Variants in CLEC16A observed in about 807,000 individuals in gnomAD.
CLEC16A encodes C-type lectin domain containing 16A, also known as protein CLEC16A.
CLEC16A carries 51 observed loss-of-function variants against 109.5 expected under a neutral mutation model. The observed-to-expected ratio is 0.47, with a 90% confidence interval of 0.37 to 0.59. CLEC16A has a LOEUF of 0.59. Among genes scored for constraint, CLEC16A ranks in the 20% least tolerant of loss-of-function variants. The pLI is 0.00. For missense variants in CLEC16A, 1,339 were observed against 1,394.0 expected, an observed-to-expected ratio of 0.96 and a Z score of 0.63; for synonymous variants, 673 against 564.2, an observed-to-expected ratio of 1.19 and a Z score of -2.73.
intron 19 of CLEC16A, among the ~76,000 whole-genome samples, chr16:11,108,719 C>A (rs1002777912): frequency 1.3e-5 from 2 of 152,200 alleles, no homozygotes; most frequent in East Asian, 3.9e-4. Flanking sequence ...TTGTGGCCAC[C>A]TCATAGGATC....
intron 19 of CLEC16A, among the ~76,000 whole-genome samples, chr16:11,063,831 A>G (rs962868066): frequency 4.6e-5 from 7 of 151,438 alleles, no homozygotes; most frequent in Middle Eastern, 3.4e-3. Context: ...TTTTCACTAG[A>G]GAGGAGAGTG....
At chr16:11,027,952 A>G (rs146770419) in intron 13 of CLEC16A, among the ~76,000 whole-genome samples, 278 of 152,302 alleles carry the variant, frequency 1.8e-3, no homozygotes, top group African/African-American at 6.4e-3. Context: ...CGTAATCCCA[A>G]CACTTTGGGA....
chr16:11,059,394 A>G (rs2048366828), intron 18 of CLEC16A, among the ~76,000 whole-genome samples: 1 of 152,224 alleles, frequency 6.6e-6, no homozygotes, highest in Non-Finnish European at 1.5e-5. Flanking sequence ...AGAGGACTGC[A>G]CTACCTTAGC....
intron 11 of CLEC16A, among the ~76,000 whole-genome samples, chr16:11,016,214 T>A (rs956891762): frequency 6.7e-6 from 1 of 148,798 alleles, no homozygotes; most frequent in South Asian, 2.1e-4. Flanking sequence ...CATACCCACT[T>A]TGGAGATGGC....
intron 22 of CLEC16A, among the ~76,000 whole-genome samples, chr16:11,141,790 T>G (rs2053842853): frequency 6.6e-6 from 1 of 152,220 alleles, no homozygotes; most frequent in Non-Finnish European, 1.5e-5. Context: ...ATGACAGATC[T>G]GCTCCTGAGA....
At chr16:10,994,154 G>C (rs1328716705) in intron 10 of CLEC16A, among the ~76,000 whole-genome samples, 1 of 152,186 alleles carries the variant, frequency 6.6e-6, no homozygotes, top group Non-Finnish European at 1.5e-5. Context: ...GTAATTCATG[G>C]AGAAGAATGC....
intron 22 of CLEC16A, among the ~76,000 whole-genome samples, chr16:11,132,152 C>A (rs935234845): frequency 6.6e-6 from 1 of 152,100 alleles, no homozygotes; most frequent in Non-Finnish European, 1.5e-5. Context: ...AAGATTGTGC[C>A]ATCATCCTCT....
At chr16:11,070,412 G>C (rs187565234) in intron 19 of CLEC16A, 43 of 147,510 alleles carry the variant, frequency 2.9e-4, no homozygotes, top group African/African-American at 1.1e-3. Context: ...TCACTATGTT[G>C]CCCAGGCTGG....
chr16:10,972,816 A>G (rs1210742482), intron 6 of CLEC16A, 122 bp from the exon 7 acceptor site: 3 of 1,063,388 alleles, frequency 2.8e-6, no homozygotes, highest in Non-Finnish European at 4.0e-6. Flanking sequence ...ACAATTTCAG[A>G]TTATAGCAGA....
chr16:11,090,210 G>C (rs975114088), intron 19 of CLEC16A, among the ~76,000 whole-genome samples: 1 of 152,150 alleles, frequency 6.6e-6, no homozygotes, highest in Admixed American at 6.5e-5. Flanking sequence ...ATGGGAGTGA[G>C]CTGTCAGACA....
chr16:11,007,318 C>G (rs2045087745), intron 11 of CLEC16A, among the ~76,000 whole-genome samples: 1 of 152,048 alleles, frequency 6.6e-6, no homozygotes, highest in Non-Finnish European at 1.5e-5. Context: ...TTGCCTTTTT[C>G]TTTTTCTTTT....
At chr16:11,076,414 G>T (rs920538885) in intron 19 of CLEC16A, among the ~76,000 whole-genome samples, 2 of 152,170 alleles carry the variant, frequency 1.3e-5, no homozygotes, top group Non-Finnish European at 2.9e-5. Context: ...AGGAATTCAT[G>T]GGGGGAGTGG....
intron 22 of CLEC16A, among the ~76,000 whole-genome samples, chr16:11,135,672 G>A (rs1182133528): frequency 9.8e-5 from 15 of 152,334 alleles, no homozygotes; most frequent in Middle Eastern, 3.4e-3. Context: ...AGAGAAGCCC[G>A]TGCAGTAGGT....
chr16:11,011,094 A>G (rs2045385509), intron 11 of CLEC16A, among the ~76,000 whole-genome samples: 1 of 152,184 alleles, frequency 6.6e-6, no homozygotes, highest in Non-Finnish European at 1.5e-5. Context: ...GTATTGTGTA[A>G]TGACCTTCCT....
intron 19 of CLEC16A, among the ~76,000 whole-genome samples, chr16:11,118,020 G>T (rs939622106): frequency 6.6e-6 from 1 of 151,804 alleles, no homozygotes; most frequent in Non-Finnish European, 1.5e-5. Context: ...TGTCACCTAG[G>T]CTACAGTGCA....
intron 23 of CLEC16A, among the ~76,000 whole-genome samples, chr16:11,176,097 G>A (rs888931754): frequency 1.3e-5 from 2 of 152,202 alleles, no homozygotes; most frequent in Non-Finnish European, 2.9e-5. Context: ...TCGAAGCAAG[G>A]GCAGAGGCCA....
At chr16:11,045,043 T>C (rs1253935006) in intron 16 of CLEC16A, among the ~76,000 whole-genome samples, 1 of 150,852 alleles carries the variant, frequency 6.6e-6, no homozygotes, top group Non-Finnish European at 1.5e-5. Flanking sequence ...TTATAAACAA[T>C]AGACATTTAC....
intron 11 of CLEC16A, among the ~76,000 whole-genome samples, chr16:11,012,198 G>A (rs933391774): frequency 6.6e-6 from 1 of 152,218 alleles, no homozygotes; most frequent in Non-Finnish European, 1.5e-5. Context: ...TTAAGTTCAT[G>A]TGGCATACTT....
intron 22 of CLEC16A, among the ~76,000 whole-genome samples, chr16:11,146,623 G>A (rs1005928114): frequency 2.0e-5 from 3 of 151,360 alleles, no homozygotes; most frequent in Non-Finnish European, 2.9e-5. Flanking sequence ...GGATGGATGG[G>A]TAGGTGGATT....
Sources: allele counts gnomAD v4.1 joint callset (sites outside exome capture counted in the v4.1 genomes callset), GRCh38; gene constraint gnomAD v4.1.1; transcripts MANE v1.5; gene names NCBI Gene and HGNC (gene_info 2026-07-23, HGNC 2026-07-21).